The following MYO3A variants were observed in gnomAD, a reference collection of about 807,000 sequenced individuals.
MYO3A encodes myosin-IIIa.
In MYO3A, 180 loss-of-function variants were observed where a neutral mutation model predicts 192.7. The observed-to-expected ratio is 0.93, with a 90% CI of 0.83 to 1.06. MYO3A has a LOEUF of 1.06. Ranked by LOEUF, MYO3A falls within the 50% of genes least tolerant of loss-of-function variation. The probability of loss-of-function intolerance (pLI) is 0.00; values close to 1 mark genes in which losing one functional copy is unlikely to be tolerated. For missense variants in MYO3A, 1,896 were observed against 1,905.0 expected, an observed-to-expected ratio of 1.00 and a Z score of 0.09; for synonymous variants, 628 against 645.3, an observed-to-expected ratio of 0.97 and a Z score of 0.41.
At chr10:26,077,561 C>G (rs1030813514) in intron 14 of MYO3A, among the ~76,000 whole-genome samples, 1 of 151,786 alleles carries the variant, frequency 6.6e-6, no homozygotes, top group Non-Finnish European at 1.5e-5. Flanking sequence ...GAATGGGGAT[C>G]CTTGTCTTGT....
rs528866383 is a variant in MYO3A at position 25,949,214 on chromosome 10, A to G, written c.-17-2880A>G. ...TATCTTTGTATTTCCAAAACTCATA[A>G]AAATACTTTGCACATATTTGTTGTT... On this transcript the variant is annotated intron_variant, in intron 2 of 34. Transcript: ENST00000642920. Among the ~76,000 whole-genome samples, 3 of 152,244 alleles carry G rather than the reference A, an allele frequency of 2.0e-5. No individual in the cohort carries two copies. The South Asian group carries it at 6.2e-4, about 32-fold the overall frequency.
intron 4 of MYO3A, among the ~76,000 whole-genome samples, chr10:25,956,387 G>A (rs1191700702): frequency 1.3e-5 from 2 of 150,324 alleles, no homozygotes; most frequent in Non-Finnish European, 1.5e-5. Context: ...CTGGAGTGCA[G>A]TGGCACAATC....
intron 17 of MYO3A, among the ~76,000 whole-genome samples, chr10:26,107,939 G>A (rs1226765648): frequency 6.6e-6 from 1 of 151,404 alleles, no homozygotes; most frequent in Non-Finnish European, 1.5e-5. Context: ...TGTTTCTTCT[G>A]TTCTTTTTTT....
intron 2 of MYO3A, among the ~76,000 whole-genome samples, chr10:25,938,758 A>G (rs939507481): frequency 2.6e-5 from 4 of 152,220 alleles, no homozygotes; most frequent in Admixed American, 1.3e-4. Context: ...AGCATGTTCT[A>G]TATCAATGAG....
intron 31 of MYO3A, among the ~76,000 whole-genome samples, chr10:26,183,616 G>A (rs575549179): frequency 5.1e-4 from 77 of 152,250 alleles, no homozygotes; most frequent in African/African-American, 1.6e-3. Context: ...ATCAGAGAGC[G>A]GCCAAAAGCT....
At chr10:26,124,188 CAAAA>C (rs34682530) in intron 18 of MYO3A, among the ~76,000 whole-genome samples, 1 of 89,574 alleles carries the variant, frequency 1.1e-5, no homozygotes, top group Non-Finnish European at 2.2e-5. Context: ...GACTTTGTCT[CAAAA>C]AAAAAAAAAA....
chr10:26,082,103 C>T (rs1835996971), intron 14 of MYO3A, among the ~76,000 whole-genome samples: 1 of 152,158 alleles, frequency 6.6e-6, no homozygotes, highest in African/African-American at 2.4e-5. Context: ...TTGACCCTTC[C>T]TGGGATTGTT....
At chr10:26,184,925 C>CA (rs1589099130) in intron 31 of MYO3A, among the ~76,000 whole-genome samples, 1 of 152,088 alleles carries the variant, frequency 6.6e-6, no homozygotes, top group Non-Finnish European at 1.5e-5. Context: ...TCCAAAGGAG[C>CA]AAAAATTCAC....
intron 34 of MYO3A, among the ~76,000 whole-genome samples, chr10:26,205,608 C>CTTTTTTTTT (rs576007724): frequency 2.5e-4 from 17 of 68,618 alleles, no homozygotes; most frequent in African/African-American, 3.9e-4. Flanking sequence ...CTTTTCTTTT[C>CTTTTTTTTT]TTTTTTTTTT....
rs186036217 is a variant in MYO3A at position 25,998,021 on chromosome 10, G to A, written c.508+763G>A. On this transcript the variant is annotated intron_variant, in intron 6 of 34. Coordinates refer to ENST00000642920, the MANE Select transcript of MYO3A (RefSeq NM_017433.5). Reference sequence around the variant, plus strand: ...CCCTTTTGCACTGTAGGTGGGTAAGGTATCCCTCCTTGTGTTTCTGTAACC... The same window carrying A: ...CCCTTTTGCACTGTAGGTGGGTAAGATATCCCTCCTTGTGTTTCTGTAACC... Among the ~76,000 whole-genome samples the A allele has an allele frequency of 7.2e-5, 11 of 152,226 alleles. No individual in the cohort carries two copies. In the East Asian group the frequency reaches 1.9e-3, roughly 27 times the overall value.
chr10:26,180,176 T>G (rs1006995246), intron 31 of MYO3A, among the ~76,000 whole-genome samples: 2 of 152,150 alleles, frequency 1.3e-5, no homozygotes, highest in African/African-American at 2.4e-5. Context: ...GTATAGTATT[T>G]AATACTAGCC....
At chr10:25,979,598 CT>C in intron 4 of MYO3A, among the ~76,000 whole-genome samples, 1 of 152,138 alleles carries the variant, frequency 6.6e-6, no homozygotes, top group East Asian at 1.9e-4. Context: ...TCTTTAAAAC[CT>C]TTTATTTTTT....
At chr10:26,201,348 C>T in intron 33 of MYO3A, 43 bp downstream of exon 33, 2 of 1,425,786 alleles carry the variant, frequency 1.4e-6, no homozygotes, top group South Asian at 1.2e-5. Flanking sequence ...CTTATTCAAA[C>T]AAAAATAAAA....
intron 4 of MYO3A, among the ~76,000 whole-genome samples, chr10:25,995,921 G>A (rs528769094): frequency 8.1e-4 from 123 of 152,376 alleles, no homozygotes; most frequent in African/African-American, 2.9e-3. Flanking sequence ...CTACTGGGGA[G>A]TGCCTCCCAG....
At chr10:26,047,659 C>T (rs55682848) in intron 10 of MYO3A, among the ~76,000 whole-genome samples, 24,517 of 151,700 alleles carry the variant, frequency 0.16, 2,265 homozygotes, top group Non-Finnish European at 0.21. Flanking sequence ...CCTGTAGTCC[C>T]AGCTACTCTG....
chr10:26,201,435 C>G (rs998946060), intron 33 of MYO3A, 130 bp downstream of exon 33: 7 of 500,988 alleles, frequency 1.4e-5, no homozygotes, highest in Non-Finnish European at 1.4e-5. Context: ...AATCCCAGAA[C>G]TTTGGGAGGC....
intron 32 of MYO3A, among the ~76,000 whole-genome samples, chr10:26,198,615 G>A (rs1263009593): frequency 6.6e-6 from 1 of 152,172 alleles, no homozygotes; most frequent in Non-Finnish European, 1.5e-5. Flanking sequence ...GTAAGATTGT[G>A]CTCACCATGA....
chr10:26,017,432 C>G (rs1030179581), intron 7 of MYO3A, among the ~76,000 whole-genome samples: 3 of 152,242 alleles, frequency 2.0e-5, no homozygotes, highest in Non-Finnish European at 4.4e-5. Flanking sequence ...CTTCTCCCCC[C>G]ATCACTATTA....
At chr10:26,119,941 A>G (rs1398547043) in intron 17 of MYO3A, among the ~76,000 whole-genome samples, 2 of 151,142 alleles carry the variant, frequency 1.3e-5, no homozygotes, top group African/African-American at 4.9e-5. Context: ...AGATCGCTTG[A>G]GCCCAGGAGT....
Sources: gnomAD v4.1 joint callset for allele counts (sites outside exome capture counted in the v4.1 genomes callset) on GRCh38, gnomAD v4.1.1 for gene constraint, MANE v1.5 for transcripts, NCBI Gene and HGNC (gene_info 2026-07-23, HGNC 2026-07-21) for gene names.